Variants in MSI2 observed in about 807,000 individuals in gnomAD.
The protein encoded by MSI2 is musashi RNA binding protein 2, also known as RNA-binding protein Musashi homolog 2.
A neutral mutation model predicts 45.6 loss-of-function variants in MSI2; 17 were observed. That is an observed-to-expected ratio of 0.37 (90% CI 0.26 to 0.56). The LOEUF (loss-of-function observed/expected upper bound fraction) is 0.56, where lower values mean the gene tolerates loss of function less well. MSI2 is among the 20% of genes least tolerant of loss of function. The pLI is 0.77. For missense variants in MSI2, 293 were observed against 444.2 expected (o/e 0.66, Z 3.06); for synonymous variants, 156 against 158.2 (o/e 0.99, Z 0.11).
At chr17:57,645,567 C>T (rs1910593026) in intron 10 of MSI2, among the ~76,000 whole-genome samples, 1 of 151,416 alleles carries the variant, frequency 6.6e-6, no homozygotes, top group Non-Finnish European at 1.5e-5. Flanking sequence ...TCCTGAGCAG[C>T]TGGGATTAAA....
At chr17:57,308,362 A>T (rs972691839) in intron 5 of MSI2, among the ~76,000 whole-genome samples, 2 of 152,192 alleles carry the variant, frequency 1.3e-5, no homozygotes, top group African/African-American at 4.8e-5. Flanking sequence ...TCTCTTCTAA[A>T]TATCAAGCTT....
chr17:57,644,163 T>C (rs1438265251), intron 10 of MSI2, among the ~76,000 whole-genome samples: 2 of 151,918 alleles, frequency 1.3e-5, no homozygotes, highest in Non-Finnish European at 2.9e-5. Flanking sequence ...CCAAAAAATA[T>C]GTGTTTAAAA....
intron 5 of MSI2, among the ~76,000 whole-genome samples, chr17:57,349,444 C>T (rs1025973837): frequency 6.6e-6 from 1 of 152,210 alleles, no homozygotes; most frequent in African/African-American, 2.4e-5. Flanking sequence ...TGAGGAGTAA[C>T]GTTTAAATCT....
At chr17:57,269,649 A>T (rs1908167330) in intron 5 of MSI2, among the ~76,000 whole-genome samples, 1 of 152,194 alleles carries the variant, frequency 6.6e-6, no homozygotes. Context: ...CATGATATAG[A>T]TACAATTCCA....
intron 11 of MSI2, among the ~76,000 whole-genome samples, chr17:57,658,314 C>T (rs184789907): frequency 1.0e-3 from 152 of 152,344 alleles, no homozygotes; most frequent in African/African-American, 3.5e-3. Context: ...GCCACCACAA[C>T]CAGACTTACC....
intron 6 of MSI2, among the ~76,000 whole-genome samples, chr17:57,456,336 G>A (rs1284751896): frequency 6.6e-6 from 1 of 152,190 alleles, no homozygotes; most frequent in Non-Finnish European, 1.5e-5. Context: ...TTGGCCGGGC[G>A]CAGTGGCTCA....
At chr17:57,597,582 C>T (rs112639917) in intron 8 of MSI2, among the ~76,000 whole-genome samples, 6 of 151,648 alleles carry the variant, frequency 4.0e-5, no homozygotes, top group Non-Finnish European at 7.4e-5. Flanking sequence ...GCCATGATCA[C>T]ACCACTGTAC....
intron 7 of MSI2, among the ~76,000 whole-genome samples, chr17:57,557,386 A>G (rs1219404910): frequency 6.6e-6 from 1 of 152,238 alleles, no homozygotes; most frequent in East Asian, 1.9e-4. Flanking sequence ...ATCATGATGG[A>G]GTCTTCAGGG....
intron 5 of MSI2, among the ~76,000 whole-genome samples, chr17:57,374,289 T>C (rs1327275125): frequency 6.6e-6 from 1 of 152,238 alleles, no homozygotes; most frequent in African/African-American, 2.4e-5. Context: ...TAGTTTATAC[T>C]TAATGTGACT....
At chr17:57,637,349 C>T (rs770003416) in intron 10 of MSI2, among the ~76,000 whole-genome samples, 4 of 152,214 alleles carry the variant, frequency 2.6e-5, no homozygotes, top group Admixed American at 6.5e-5. Flanking sequence ...GTTCCTCCCT[C>T]GGCGTGGAAA....
At chr17:57,396,514 T>C (rs936841964) in intron 5 of MSI2, among the ~76,000 whole-genome samples, 1 of 152,002 alleles carries the variant, frequency 6.6e-6, no homozygotes, top group African/African-American at 2.4e-5. Flanking sequence ...GCAAACACAT[T>C]TTTTAAAAGG....
Position 57,285,892 on chromosome 17 carries a change from G to A in MSI2, c.312+23700G>A, listed in dbSNP as rs1293733361. On this transcript the variant is annotated intron_variant, in intron 5 of 13. Transcript: ENST00000284073. ...TCCGAACAGGTGTTTAGATGATGAG[G>A]GGTTATATTAAGAAAGTACTAAAGA... 3.3e-6 allele frequency: 5 copies of A among 1,530,446 alleles called. No homozygotes were observed. In the African/African-American group the frequency reaches 6.9e-5, roughly 21 times the overall value. The allele number at this position is 1,530,446 out of a possible 1,614,324, so 94.8% of individuals were successfully genotyped here.
At chr17:57,659,056 T>C (rs80047110) in intron 11 of MSI2, among the ~76,000 whole-genome samples, 1 of 108,018 alleles carries the variant, frequency 9.3e-6, no homozygotes, top group Non-Finnish European at 2.1e-5. Context: ...TTTTTTTTTA[T>C]TTGGTTGGTT....
At chr17:57,524,165 G>C (rs1014528930) in intron 6 of MSI2, among the ~76,000 whole-genome samples, 1 of 152,206 alleles carries the variant, frequency 6.6e-6, no homozygotes, top group Non-Finnish European at 1.5e-5. Flanking sequence ...GATGGCAGAG[G>C]TGCAAGAGAG....
chr17:57,545,139 GA>G (rs1744932883), intron 7 of MSI2, among the ~76,000 whole-genome samples: 1 of 152,192 alleles, frequency 6.6e-6, no homozygotes, highest in Non-Finnish European at 1.5e-5. Context: ...CTGTATAGCA[GA>G]TTTTCCCCCC....
At chr17:57,574,678 G>GTC (rs1336839105) in intron 7 of MSI2, among the ~76,000 whole-genome samples, 1 of 152,182 alleles carries the variant, frequency 6.6e-6, no homozygotes, top group Non-Finnish European at 1.5e-5. Context: ...TAGGGCAAGG[G>GTC]TCTCTCTCTG....
At chr17:57,694,190 T>G in the MSI2 span, among the ~76,000 whole-genome samples, 1 of 152,226 alleles carries the variant, frequency 6.6e-6, no homozygotes, top group Admixed American at 6.5e-5. Context: ...TGCCCCTTGA[T>G]GTGGGTGGTT....
chr17:57,554,435 C>T (rs548046945), intron 7 of MSI2, among the ~76,000 whole-genome samples: 1 of 152,286 alleles, frequency 6.6e-6, no homozygotes, highest in African/African-American at 2.4e-5. Context: ...TGGGGTGTTG[C>T]GTCCTGAGAC....
intron 6 of MSI2, among the ~76,000 whole-genome samples, chr17:57,502,293 G>A (rs759844732): frequency 2.0e-5 from 3 of 152,118 alleles, no homozygotes; most frequent in Non-Finnish European, 2.9e-5. Flanking sequence ...TACAGGTGAC[G>A]TGGTACAGAG....
Sources: gnomAD v4.1 joint callset for allele counts (sites outside exome capture counted in the v4.1 genomes callset) on GRCh38, gnomAD v4.1.1 for gene constraint, MANE v1.5 for transcripts, NCBI Gene and HGNC (gene_info 2026-07-23, HGNC 2026-07-21) for gene names.